SMAD3: variants seen among roughly 807,000 people sequenced by gnomAD.
SMAD3 encodes the protein SMAD family member 3, also known as MAD homolog 3.
Under a neutral mutation model 51.8 loss-of-function variants are expected in SMAD3, and 12 were observed. The ratio of observed to expected loss-of-function variants is 0.23; its 90% CI spans 0.15 to 0.38. The LOEUF is 0.38. SMAD3 is among the 10% of genes least tolerant of loss of function. The pLI is 1.00. For missense variants in SMAD3, 294 were observed against 565.6 expected, an observed-to-expected ratio of 0.52 and a Z score of 4.87; for synonymous variants, 238 against 227.7, an observed-to-expected ratio of 1.05 and a Z score of -0.41.
At chr15:67,074,712 C>A (rs1423590098) in intron 1 of SMAD3, among the ~76,000 whole-genome samples, 1 of 152,052 alleles carries the variant, frequency 6.6e-6, no homozygotes, top group East Asian at 1.9e-4. Context: ...TTTTTTGAGA[C>A]GGAGTCTTGC....
intron 8 of SMAD3, among the ~76,000 whole-genome samples, chr15:67,190,131 T>C (rs1352314310): frequency 6.6e-6 from 1 of 152,112 alleles, no homozygotes; most frequent in Non-Finnish European, 1.5e-5. Flanking sequence ...TACCCTGCAA[T>C]TGACTTTACA....
chr15:67,134,296 G>A (rs1012731774), intron 1 of SMAD3, among the ~76,000 whole-genome samples: 1 of 152,174 alleles, frequency 6.6e-6, no homozygotes, highest in African/African-American at 2.4e-5. Context: ...ATGTGTGTCA[G>A]TGTTTGGTAT....
chr15:67,157,168 G>A (rs150858632), intron 1 of SMAD3, among the ~76,000 whole-genome samples: 8 of 152,356 alleles, frequency 5.3e-5, no homozygotes, highest in Admixed American at 5.2e-4. Flanking sequence ...AGAAAGTTCG[G>A]TATTAAGAGC....
intron 1 of SMAD3, among the ~76,000 whole-genome samples, chr15:67,154,473 G>T (rs1396300693): frequency 6.6e-6 from 1 of 152,126 alleles, no homozygotes; most frequent in Non-Finnish European, 1.5e-5. Flanking sequence ...TCAGCTACAG[G>T]CAGAGCACAT....
chr15:67,110,019 A>G (rs893570590), intron 1 of SMAD3, among the ~76,000 whole-genome samples: 5 of 152,246 alleles, frequency 3.3e-5, no homozygotes, highest in Non-Finnish European at 7.3e-5. Context: ...CAGGCAAGAG[A>G]TGACCAAGAA....
chr15:67,098,794 C>T (rs1960678770), intron 1 of SMAD3: 2 of 680,694 alleles, frequency 2.9e-6, no homozygotes, highest in Admixed American at 2.0e-5. Context: ...CATGGAGGGT[C>T]CTACGCATCC....
At chr15:67,156,958 A>G (rs1962299125) in intron 1 of SMAD3, among the ~76,000 whole-genome samples, 1 of 152,232 alleles carries the variant, frequency 6.6e-6, no homozygotes, top group Non-Finnish European at 1.5e-5. Flanking sequence ...ACAAGAAAAT[A>G]CATGCCACTC....
At chr15:67,093,089 T>C (rs1960542517) in intron 1 of SMAD3, among the ~76,000 whole-genome samples, 1 of 152,202 alleles carries the variant, frequency 6.6e-6, no homozygotes, top group Non-Finnish European at 1.5e-5. Context: ...TAAATGGTGC[T>C]CATCTAACCC....
intron 1 of SMAD3, among the ~76,000 whole-genome samples, chr15:67,139,888 G>A (rs747919327): frequency 2.6e-5 from 4 of 152,094 alleles, no homozygotes; most frequent in Non-Finnish European, 5.9e-5. Flanking sequence ...GGAGGCCGAG[G>A]TGGGTGGATT....
chr15:67,168,681 ACT>A (rs1455492406), intron 4 of SMAD3, among the ~76,000 whole-genome samples: 3 of 151,052 alleles, frequency 2.0e-5, no homozygotes, highest in Non-Finnish European at 3.0e-5. Context: ...GCCTCCCTTT[ACT>A]CTGTCCCCTC....
At chr15:67,080,617 A>G (rs979527781) in intron 1 of SMAD3, among the ~76,000 whole-genome samples, 1 of 152,194 alleles carries the variant, frequency 6.6e-6, no homozygotes, top group Non-Finnish European at 1.5e-5. Context: ...CAAAGGGACT[A>G]TTGGCTGGGA....
At chr15:67,126,125 AC>A in intron 1 of SMAD3, 1 of 270,194 alleles carries the variant, frequency 3.7e-6, no homozygotes, top group Non-Finnish European at 5.7e-6. Flanking sequence ...GGTTCATCTT[AC>A]CAGCAGTCGT....
intron 1 of SMAD3, chr15:67,138,117 G>A (rs1262395142): frequency 7.8e-6 from 12 of 1,543,378 alleles, no homozygotes; most frequent in Admixed American, 3.9e-5. Flanking sequence ...GCCCCGTGCC[G>A]GGACATGTCT....
At chr15:67,085,195 C>T (rs772982685) in intron 1 of SMAD3, among the ~76,000 whole-genome samples, 1 of 152,132 alleles carries the variant, frequency 6.6e-6, no homozygotes, top group African/African-American at 2.4e-5. Flanking sequence ...AAACAACTGA[C>T]CCATCCTTTG....
intron 7 of SMAD3, among the ~76,000 whole-genome samples, chr15:67,185,889 G>T (rs964458505): frequency 2.0e-5 from 3 of 152,270 alleles, no homozygotes; most frequent in African/African-American, 7.2e-5. Context: ...CCTGTGGCAC[G>T]TGTGTGGCAT....
chr15:67,085,488 G>C (rs1305151258), intron 1 of SMAD3, among the ~76,000 whole-genome samples: 1 of 152,198 alleles, frequency 6.6e-6, no homozygotes. Context: ...CAGAATCACT[G>C]TATAGTCAAC....
chr15:67,179,318 G>A (rs1962989821), intron 5 of SMAD3, among the ~76,000 whole-genome samples: 1 of 152,052 alleles, frequency 6.6e-6, no homozygotes. Flanking sequence ...TTTTTTTATT[G>A]CCACAACTTG....
intron 1 of SMAD3, among the ~76,000 whole-genome samples, chr15:67,089,119 C>T (rs766031284): frequency 6.6e-6 from 1 of 152,112 alleles, no homozygotes; most frequent in Non-Finnish European, 1.5e-5. Flanking sequence ...ACCTAGCCGC[C>T]TTCTCTTGCA....
intron 1 of SMAD3, among the ~76,000 whole-genome samples, chr15:67,088,569 C>T (rs1223870495): frequency 2.0e-5 from 3 of 152,138 alleles, no homozygotes; most frequent in African/African-American, 7.2e-5. Context: ...ACTTTTAATT[C>T]AGCGCTGCTA....
Sources: gnomAD v4.1 joint callset for allele counts (sites outside exome capture counted in the v4.1 genomes callset) on GRCh38, gnomAD v4.1.1 for gene constraint, MANE v1.5 for transcripts, NCBI Gene and HGNC (gene_info 2026-07-23, HGNC 2026-07-21) for gene names.